The following SDHA variants were observed in gnomAD, a reference collection of about 807,000 sequenced individuals.
SDHA encodes succinate dehydrogenase complex flavoprotein subunit A.
A neutral mutation model predicts 78.4 loss-of-function variants in SDHA; 48 were observed. The ratio of observed to expected loss-of-function variants is 0.61; its 90% CI spans 0.49 to 0.78. SDHA has a LOEUF of 0.78. Ranked by LOEUF, SDHA falls within the 30% of genes least tolerant of loss-of-function variation. The pLI is 0.00. For synonymous variants in SDHA, 326 were observed against 353.9 expected (o/e 0.92, Z 0.88); for missense variants, 680 against 892.7 (o/e 0.76, Z 3.04).
chr5:240,829 G>C (rs1371693426), intron 11 of SDHA, among the ~76,000 whole-genome samples: 3 of 152,154 alleles, frequency 2.0e-5, no homozygotes, highest in Non-Finnish European at 4.4e-5. Context: ...TGTTCCATCC[G>C]TGTGGCTGCA....
At chr5:225,652 G>A in intron 4 of SDHA, 90 bp downstream of exon 4, 1 of 1,581,554 alleles carries the variant, frequency 6.3e-7, no homozygotes, top group Non-Finnish European at 8.7e-7. Flanking sequence ...AGGCGGATGT[G>A]GCAGCCAAAA....
At chr5:257,323 G>T (rs1269732504), downstream of SDHA, among the ~76,000 whole-genome samples, 2 of 152,060 alleles carry the variant, frequency 1.3e-5, no homozygotes, top group African/African-American at 4.8e-5. Context: ...TACTGTGTGA[G>T]CTCCACCCCC....
rs1735580541 is a variant in SDHA at position 233,760 on chromosome 5, C to A, written c.1064+115C>A. The stretch of plus-strand genomic sequence containing the variant: ...GTGTGCAGGCGCATGTGCACAGCCA[C>A]CTCTCTTAGCTGCTGGCAGGCGTCT... On this transcript the variant is annotated intron_variant, in intron 8 of 14. Coordinates refer to ENST00000264932, the MANE Select transcript of SDHA (RefSeq NM_004168.4). 4.6e-5 allele frequency: 47 copies of A among 1,020,036 alleles called. No homozygotes were observed. The South Asian group carries it at 5.7e-4, about 12-fold the overall frequency. 63.2% of individuals were successfully genotyped at this position (1,020,036 alleles called of 1,614,324 possible). A position where few individuals can be genotyped will look rare whatever the true frequency, so the allele number is the denominator to read the frequency against.
intron 11 of SDHA, among the ~76,000 whole-genome samples, chr5:245,513 A>G (rs1736390094): frequency 1.3e-5 from 2 of 152,366 alleles, no homozygotes; most frequent in South Asian, 4.1e-4. Context: ...GAACCTACTC[A>G]TAAAACATTT....
intron 5 of SDHA, among the ~76,000 whole-genome samples, chr5:226,756 G>A (rs1489030780): frequency 2.6e-5 from 4 of 151,630 alleles, no homozygotes; most frequent in East Asian, 2.0e-4. Flanking sequence ...GTGAAACCCC[G>A]TCTCTACTAA....
chr5:229,019 C>G (rs1735216814), intron 6 of SDHA, among the ~76,000 whole-genome samples: 1 of 152,128 alleles, frequency 6.6e-6, no homozygotes, highest in Non-Finnish European at 1.5e-5. Context: ...AAAAAATGCT[C>G]AACGTCACTA....
At chr5:260,846 C>T (rs372689244), downstream of SDHA, among the ~76,000 whole-genome samples, 5 of 6,888 alleles carry the variant, frequency 7.3e-4, no homozygotes, top group Admixed American at 1.2e-3. Context: ...CCGCCTCCCG[C>T]CAGAGCATTA....
chr5:220,602 A>C (rs574614722), intron 1 of SDHA, among the ~76,000 whole-genome samples: 2 of 151,970 alleles, frequency 1.3e-5, no homozygotes, highest in Non-Finnish European at 2.9e-5. Context: ...CTGGATATTA[A>C]TATTAGTTGG....
At chr5:234,108 C>T (rs1487255490) in intron 8 of SDHA, 2 of 189,010 alleles carry the variant, frequency 1.1e-5, no homozygotes, top group East Asian at 2.6e-4. Flanking sequence ...AGAGGTTTTA[C>T]ATTTTTATAT....
At chr5:246,533 A>G (rs1561006450) in intron 11 of SDHA, among the ~76,000 whole-genome samples, 1 of 152,244 alleles carries the variant, frequency 6.6e-6, no homozygotes, top group African/African-American at 2.4e-5. Flanking sequence ...AAGCAAGGCC[A>G]TAAAGCCCAA....
chr5:223,610 G>T (rs1461422849), intron 2 of SDHA, 42 bp downstream of exon 2: 1 of 1,496,500 alleles, frequency 6.7e-7, no homozygotes, highest in Admixed American at 1.7e-5. Context: ...GATTTTTTTG[G>T]CTTAGGGGGT....
intron 14 of SDHA, among the ~76,000 whole-genome samples, chr5:255,455 G>GT (rs1263812069): frequency 2.7e-5 from 4 of 147,412 alleles, no homozygotes; most frequent in South Asian, 2.1e-4. Flanking sequence ...CGGGTTTTTT[G>GT]GTTTTTTTTT....
Position 233,647 on chromosome 5 carries a change from T to C in SDHA, c.1064+2T>C. ...GACTCTGGAGATCCGAGAAGGAAGG[T>C]GCGTGTGATTTACCACCAGCACTGT... is the stretch of plus-strand genomic sequence containing the variant. On this transcript the variant is annotated splice_donor_variant, in intron 8 of 14. Coordinates refer to ENST00000264932, the MANE Select transcript of SDHA (RefSeq NM_004168.4). LOFTEE classifies it high-confidence loss of function. 1 of 1,613,824 alleles carries C rather than the reference T, an allele frequency of 6.2e-7. No individual in the cohort carries two copies. The highest frequency in any genetic ancestry group is 1.1e-5 in the South Asian group (1 of 91,072).
At chr5:232,831 G>A (rs1409606394) in intron 7 of SDHA, among the ~76,000 whole-genome samples, 2 of 152,184 alleles carry the variant, frequency 1.3e-5, no homozygotes. Flanking sequence ...TCGCACTGAG[G>A]AGTCACAGAG....
chr5:233,421 A>G, intron 7 of SDHA, 56 bp from the exon 8 acceptor site: 1 of 1,586,678 alleles, frequency 6.3e-7, no homozygotes, highest in Non-Finnish European at 8.6e-7. Context: ...AAAATAATGC[A>G]TTTGAAATAG....
chr5:250,275 GCA>G (rs1309051140), intron 11 of SDHA: 1 of 154,120 alleles, frequency 6.5e-6, no homozygotes, highest in Non-Finnish European at 1.4e-5. Context: ...GTGGAGCAAA[GCA>G]CAGTTAGAGG....
At position 236,502 on chromosome 5, in the gene SDHA, G is replaced by A. The variant is rs200223188; in HGVS notation, c.1335G>A (p.Ser445=). ...CCTGTGGGGAGGCCGCCTGTGCCTC[G>A]GTACATGGTGCCAACCGCCTCGGGG... ...LYACGEAACA[S]VHGANRLGAN... is the part of the protein sequence containing the mutation. The change falls in exon 10 of 15, where the codon TCG becomes TCA. Residue 445 remains serine, a synonymous_variant. Transcript: ENST00000264932. The A allele has an allele frequency of 6.7e-5, 108 of 1,611,996 alleles. No homozygotes were observed. Among genetic ancestry groups the A allele is most frequent in the Middle Eastern group, 3.3e-4 (2 of 6,022 alleles).
downstream of SDHA, among the ~76,000 whole-genome samples, chr5:261,006 T>G (rs1361101812): frequency 3.0e-3 from 17 of 5,708 alleles, no homozygotes; most frequent in Admixed American, 7.9e-3. Context: ...CCGCCTCCCG[T>G]CAGAGCATTA....
chr5:249,005 A>G (rs1324911713), intron 11 of SDHA: 4 of 392,886 alleles, frequency 1.0e-5, no homozygotes, highest in Non-Finnish European at 1.9e-5. Context: ...GAAAGAATAA[A>G]AAAGCATCTA....
Sources: allele counts gnomAD v4.1 joint callset (sites outside exome capture counted in the v4.1 genomes callset), GRCh38; gene constraint gnomAD v4.1.1; transcripts MANE v1.5; gene names NCBI Gene and HGNC (gene_info 2026-07-23, HGNC 2026-07-21).